ERI3: variants seen among roughly 807,000 people sequenced by gnomAD.
ERI3 encodes the protein ERI1 exoribonuclease 3.
ERI3 carries 18 observed loss-of-function variants against 44.4 expected under a neutral mutation model. The ratio of observed to expected loss-of-function variants is 0.41; its 90% CI spans 0.28 to 0.60. The LOEUF is 0.60. Among genes scored for constraint, ERI3 ranks in the 20% least tolerant of loss-of-function variants. The probability of loss-of-function intolerance (pLI) is 0.36; values close to 1 mark genes in which losing one functional copy is unlikely to be tolerated. For synonymous variants in ERI3, 183 were observed against 164.8 expected (o/e 1.11, Z -0.84); for missense variants, 294 against 435.5 (o/e 0.68, Z 2.89).
chr1:44,225,538 T>C (rs932006008), intron 8 of ERI3, among the ~76,000 whole-genome samples: 1 of 152,188 alleles, frequency 6.6e-6, no homozygotes, highest in East Asian at 1.9e-4. Flanking sequence ...ATTTTTATAT[T>C]GCCAAGACCA....
At chr1:44,343,880 T>A (rs574153123) in intron 2 of ERI3, among the ~76,000 whole-genome samples, 51 of 152,210 alleles carry the variant, frequency 3.4e-4, no homozygotes, top group Middle Eastern at 3.4e-3. Flanking sequence ...AGGGAAAAAA[T>A]TCTTTCTACT....
At position 44,248,049 on chromosome 1, in the gene ERI3, G is replaced by T; in HGVS notation, c.832-11C>A. The T allele has an allele frequency of 6.2e-7, 1 of 1,607,028 alleles. No individual in the cohort carries two copies. On this transcript the variant is annotated splice_polypyrimidine_tract_variant and intron_variant, in intron 7 of 8. Coordinates refer to ENST00000372257, the MANE Select transcript of ERI3 (RefSeq NM_024066.3). ...GGCGAAGCTGTAAGCCTGGAAGACA[G>T]GAGGCAAGTGGTTAACGGAGGCCCT...
At chr1:44,308,284 A>G (rs1645882819) in intron 6 of ERI3, 26 bp downstream of exon 6, 1 of 1,547,858 alleles carries the variant, frequency 6.5e-7, no homozygotes, top group Admixed American at 1.7e-5. Context: ...AAGCCCTGCC[A>G]GCAAAGCAGC....
chr1:44,263,481 G>C (rs1644932318), intron 7 of ERI3, among the ~76,000 whole-genome samples: 1 of 152,226 alleles, frequency 6.6e-6, no homozygotes, highest in African/African-American at 2.4e-5. Context: ...TCCACTAAGA[G>C]CCTGTGTTGT....
chr1:44,293,726 C>T (rs181724688), intron 6 of ERI3, among the ~76,000 whole-genome samples: 2 of 152,214 alleles, frequency 1.3e-5, no homozygotes, highest in East Asian at 1.9e-4. Context: ...GAAACTAGGT[C>T]TCTTCATTCT....
intron 8 of ERI3, among the ~76,000 whole-genome samples, chr1:44,226,778 A>AACACACACACACACACACACAC (rs60011057): frequency 1.4e-5 from 2 of 143,374 alleles, no homozygotes; most frequent in African/African-American, 2.6e-5. Context: ...AGCATTATTA[A>AACACACACACACACACACACAC]ACACACACAC....
chr1:44,272,219 A>C (rs1302021823), intron 7 of ERI3, among the ~76,000 whole-genome samples: 1 of 152,214 alleles, frequency 6.6e-6, no homozygotes, highest in Non-Finnish European at 1.5e-5. Context: ...CTAAAACCCC[A>C]CAGTTAGTAA....
intron 6 of ERI3, among the ~76,000 whole-genome samples, chr1:44,296,036 C>G (rs1211231800): frequency 6.6e-6 from 1 of 152,082 alleles, no homozygotes; most frequent in Non-Finnish European, 1.5e-5. Context: ...GCCAGGAAGG[C>G]AAGGGACTGT....
chr1:44,275,191 A>G (rs1645158112), intron 7 of ERI3, among the ~76,000 whole-genome samples: 1 of 152,080 alleles, frequency 6.6e-6, no homozygotes, highest in South Asian at 2.1e-4. Flanking sequence ...TAGCTTCTGA[A>G]TGGCCCCAGT....
At chr1:44,248,217 T>C (rs979781217) in intron 7 of ERI3, among the ~76,000 whole-genome samples, 179 bp from the exon 8 acceptor site, 2 of 151,814 alleles carry the variant, frequency 1.3e-5, no homozygotes, top group African/African-American at 4.8e-5. Context: ...CTCCCTTCCT[T>C]CTCCAGAGTG....
intron 3 of ERI3, among the ~76,000 whole-genome samples, chr1:44,333,765 G>A (rs775721472): frequency 7.2e-5 from 11 of 152,028 alleles, no homozygotes; most frequent in African/African-American, 2.7e-4. Context: ...TAGGTCACAC[G>A]GAAACCCTCC....
At chr1:44,350,379 A>G (rs932164915) in intron 2 of ERI3, among the ~76,000 whole-genome samples, 2 of 151,800 alleles carry the variant, frequency 1.3e-5, no homozygotes, top group Non-Finnish European at 2.9e-5. Flanking sequence ...CTCATGCCTC[A>G]GCCTCCCAAG....
At chr1:44,239,000 T>C (rs1430521974) in intron 8 of ERI3, among the ~76,000 whole-genome samples, 1 of 151,130 alleles carries the variant, frequency 6.6e-6, no homozygotes, top group Non-Finnish European at 1.5e-5. Context: ...TTATCTCTGC[T>C]CCCACCCTCC....
At chr1:44,223,970 T>C (rs764739677) in intron 8 of ERI3, among the ~76,000 whole-genome samples, 10 of 152,172 alleles carry the variant, frequency 6.6e-5, no homozygotes, top group Admixed American at 2.6e-4. Context: ...GAGCTAATTT[T>C]CTCTCCAAGC....
intron 8 of ERI3, among the ~76,000 whole-genome samples, chr1:44,227,540 AG>A (rs993311900): frequency 5.9e-5 from 9 of 151,570 alleles, no homozygotes; most frequent in African/African-American, 2.2e-4. Flanking sequence ...AGCTCCATAC[AG>A]GACATACTTA....
chr1:44,235,370 T>TAGGTGCCTTCCCCC lies in ERI3; in HGVS notation c.931+12555_931+12568dup. ...GACCCAGGCTTGCTAGTGCTTCCTC[T>TAGGTGCCTTCCCCC]AGGTGCCTTCCCCCCATCCCGCCTT... On this transcript the variant is annotated intron_variant, in intron 8 of 8. Coordinates refer to ENST00000372257, the MANE Select transcript of ERI3 (RefSeq NM_024066.3). This position sits in a 1 kb window ranked among gnomAD's most constrained non-coding sequence, Gnocchi z 4.6. 6.6e-6 allele frequency among the ~76,000 whole-genome samples: 1 copy of TAGGTGCCTTCCCCC among 152,252 alleles called. No individual in the cohort carries two copies. Among genetic ancestry groups the TAGGTGCCTTCCCCC allele is most frequent in the East Asian group, 1.9e-4 (1 of 5,184 alleles).
At position 44,354,968 on chromosome 1, in the gene ERI3, A is replaced by G; in HGVS notation, c.59T>C (p.Leu20Pro). The change falls in exon 1 of 9, where the codon CTG (leucine) becomes CCG (proline). Residue 20 changes from leucine to proline, a missense_variant. Leu to Pro is a moderately conservative substitution (Grantham distance 98). Around this residue, in one of 2 missense-constraint regions of ERI3, gnomAD observed 107 missense variants for 96.9 expected, o/e 1.10. Transcript: ENST00000372257. ...GGGAGGGGCGGGGGGCCAGGAGACCAGCCCTCCTTCCCAGGGCCGCCCCCG... is the reference window on the plus strand; with the variant it reads ...GGGAGGGGCGGGGGGCCAGGAGACCGGCCCTCCTTCCCAGGGCCGCCCCCG... ...GGRGRPWEGG[L>P]VSWPPAPPLT... The G allele has an allele frequency of 7.4e-7, 1 of 1,357,836 alleles. No individual in the cohort carries two copies. The allele number at this position is 1,357,836 out of a possible 1,614,324, so 84.1% of individuals were successfully genotyped here. A position where few individuals can be genotyped will look rare whatever the true frequency, so the allele number is the denominator to read the frequency against.
chr1:44,313,059 A>G, intron 5 of ERI3, 110 bp downstream of exon 5: 1 of 919,960 alleles, frequency 1.1e-6, no homozygotes, highest in Non-Finnish European at 1.8e-6. Context: ...ATGTTATTCT[A>G]ATCAAGCCAT....
chr1:44,242,089 G>A (rs1644451230), intron 8 of ERI3: 1 of 985,400 alleles, frequency 1.0e-6, no homozygotes, highest in Non-Finnish European at 1.2e-6. Flanking sequence ...CCCTGTCAAT[G>A]ATGGGAGAGT....
Sources: gnomAD v4.1 joint callset for allele counts (sites outside exome capture counted in the v4.1 genomes callset) on GRCh38, gnomAD v4.1.1 for gene constraint, gnomAD v4.1.1 regional missense constraint, Gnocchi (gnomAD v3.1) non-coding constraint, MANE v1.5 for transcripts, NCBI Gene and HGNC (gene_info 2026-07-23, HGNC 2026-07-21) for gene names.